Variants in MDGA2 observed in about 807,000 individuals in gnomAD.
MDGA2 encodes MAM domain containing glycosylphosphatidylinositol anchor 2, also known as MAM domain-containing glycosylphosphatidylinositol anchor protein 2.
Under a neutral mutation model 117.8 loss-of-function variants are expected in MDGA2, and 40 were observed. The ratio of observed to expected loss-of-function variants is 0.34; its 90% CI spans 0.26 to 0.44. The LOEUF (loss-of-function observed/expected upper bound fraction) is 0.44, where lower values mean the gene tolerates loss of function less well. MDGA2 is among the 20% of genes least tolerant of loss of function. The pLI, the probability that MDGA2 is intolerant of heterozygous loss-of-function variation, is 1.00. For missense variants in MDGA2, 1,123 were observed against 1,250.6 expected, an observed-to-expected ratio of 0.90 and a Z score of 1.54; for synonymous variants, 452 against 439.0, an observed-to-expected ratio of 1.03 and a Z score of -0.37.
chr14:47,310,251 G>T lies in MDGA2; in HGVS notation c.281-8701C>A, dbSNP rs1889592256. Among the ~76,000 whole-genome samples the T allele has an allele frequency of 4.6e-5, 7 of 152,112 alleles. No homozygotes were observed. The South Asian group carries it at 1.5e-3, about 32-fold the overall frequency. Reference sequence around the variant, plus strand: ...TAGAGATGAAAAAAAAAGTTACACTGAATCTAAGGTTCATAACATTCTTTT... The same window carrying T: ...TAGAGATGAAAAAAAAAGTTACACTTAATCTAAGGTTCATAACATTCTTTT... On this transcript the variant is annotated intron_variant, in intron 1 of 16. Coordinates refer to ENST00000399232, the MANE Select transcript of MDGA2 (RefSeq NM_001113498.3).
At chr14:46,927,217 C>T (rs1016437081) in intron 9 of MDGA2, among the ~76,000 whole-genome samples, 4 of 152,062 alleles carry the variant, frequency 2.6e-5, no homozygotes, top group African/African-American at 9.7e-5. Flanking sequence ...AAAGAAAATT[C>T]TAAAAAATAG....
chr14:47,084,247 T>C (rs994380378), intron 6 of MDGA2, among the ~76,000 whole-genome samples: 2 of 152,034 alleles, frequency 1.3e-5, no homozygotes, highest in Admixed American at 6.6e-5. Context: ...AGAGAGATTA[T>C]AGGAAATCTC....
chr14:46,946,138 A>T (rs1297464876), intron 9 of MDGA2, among the ~76,000 whole-genome samples: 1 of 152,120 alleles, frequency 6.6e-6, no homozygotes, highest in Non-Finnish European at 1.5e-5. Flanking sequence ...CTGAATAAAA[A>T]TTAAGGTATG....
intron 1 of MDGA2, among the ~76,000 whole-genome samples, chr14:47,624,192 T>G (rs1257269769): frequency 6.6e-6 from 1 of 152,220 alleles, no homozygotes; most frequent in Admixed American, 6.5e-5. Flanking sequence ...GTGCGGTAGC[T>G]CACGCCTGTA....
chr14:47,529,476 T>C (rs1406210198), intron 1 of MDGA2, among the ~76,000 whole-genome samples: 3 of 152,174 alleles, frequency 2.0e-5, no homozygotes, highest in African/African-American at 7.2e-5. Context: ...ATTTATCTTT[T>C]GTGTTACAAA....
intron 1 of MDGA2, among the ~76,000 whole-genome samples, chr14:47,420,817 G>C (rs1349252059): frequency 3.0e-5 from 4 of 132,894 alleles, no homozygotes; most frequent in Non-Finnish European, 3.2e-5. Flanking sequence ...TAAAGAGAGA[G>C]AAAAAGAGTA....
chr14:47,482,104 A>G (rs1893966211), intron 1 of MDGA2, among the ~76,000 whole-genome samples: 2 of 152,060 alleles, frequency 1.3e-5, no homozygotes, highest in African/African-American at 4.8e-5. Flanking sequence ...GACAACAGTG[A>G]GTGAAATGTA....
chr14:47,529,985 G>A (rs1313675468), intron 1 of MDGA2, among the ~76,000 whole-genome samples: 1 of 152,168 alleles, frequency 6.6e-6, no homozygotes, highest in Non-Finnish European at 1.5e-5. Flanking sequence ...AAAATAGCAT[G>A]CAGGATTGTG....
chr14:46,907,381 G>A (rs1341225900), intron 10 of MDGA2, among the ~76,000 whole-genome samples: 1 of 152,062 alleles, frequency 6.6e-6, no homozygotes, highest in Non-Finnish European at 1.5e-5. Context: ...GAGAATACCT[G>A]CTGATCTAAT....
chr14:46,906,099 T>C (rs892093442), intron 10 of MDGA2, among the ~76,000 whole-genome samples: 9 of 151,976 alleles, frequency 5.9e-5, no homozygotes, highest in Admixed American at 3.3e-4. Context: ...AGTATTGATA[T>C]TGCATATTAA....
intron 1 of MDGA2, among the ~76,000 whole-genome samples, chr14:47,461,017 A>C (rs1453697477): frequency 6.6e-6 from 1 of 152,208 alleles, no homozygotes; most frequent in Non-Finnish European, 1.5e-5. Context: ...TTTTAAAAGA[A>C]TATCTTCAAA....
At chr14:47,076,172 C>T (rs1336475697) in intron 6 of MDGA2, among the ~76,000 whole-genome samples, 2 of 152,036 alleles carry the variant, frequency 1.3e-5, no homozygotes, top group Middle Eastern at 3.4e-3. Context: ...AACTACTACT[C>T]AAAATCTCAT....
chr14:47,460,310 A>T (rs1469322663), intron 1 of MDGA2, among the ~76,000 whole-genome samples: 1 of 152,158 alleles, frequency 6.6e-6, no homozygotes. Context: ...CACGAAGGAA[A>T]AAAAGAGTAA....
At chr14:47,519,384 G>A (rs1894822316) in intron 1 of MDGA2, among the ~76,000 whole-genome samples, 1 of 152,074 alleles carries the variant, frequency 6.6e-6, no homozygotes, top group Non-Finnish European at 1.5e-5. Context: ...CATGTCTTAA[G>A]TCACCTGTTT....
intron 1 of MDGA2, 73 bp downstream of exon 1, chr14:47,674,444 T>G: frequency 1.5e-6 from 2 of 1,306,610 alleles, no homozygotes; most frequent in East Asian, 2.6e-5. Context: ...ACGGCGCGAG[T>G]CGTGCATTTT....
At chr14:47,177,230 G>A (rs1258888045) in intron 3 of MDGA2, among the ~76,000 whole-genome samples, 1 of 152,064 alleles carries the variant, frequency 6.6e-6, no homozygotes, top group Non-Finnish European at 1.5e-5. Flanking sequence ...AACCATTGTG[G>A]AAGTCAGTGT....
chr14:47,620,822 C>T (rs931734214), intron 1 of MDGA2, among the ~76,000 whole-genome samples: 5 of 152,154 alleles, frequency 3.3e-5, no homozygotes, highest in African/African-American at 1.2e-4. Flanking sequence ...TCTGTGTTCA[C>T]CGTGACTGGG....
chr14:47,086,493 C>T (rs940094667), intron 6 of MDGA2, among the ~76,000 whole-genome samples: 3 of 152,010 alleles, frequency 2.0e-5, no homozygotes, highest in African/African-American at 7.2e-5. Flanking sequence ...TGTAAAACCA[C>T]ATGCAATTCA....
At chr14:47,287,944 T>G (rs1490310836) in intron 2 of MDGA2, among the ~76,000 whole-genome samples, 1 of 152,124 alleles carries the variant, frequency 6.6e-6, no homozygotes, top group Non-Finnish European at 1.5e-5. Context: ...CACCTAGGAT[T>G]GCCAGCTACC....
Sources: allele counts gnomAD v4.1 joint callset (sites outside exome capture counted in the v4.1 genomes callset), GRCh38; gene constraint gnomAD v4.1.1; transcripts MANE v1.5; gene names NCBI Gene and HGNC (gene_info 2026-07-23, HGNC 2026-07-21).